KCNJ6: variants seen among roughly 807,000 people sequenced by gnomAD.
The protein encoded by KCNJ6 is G protein-activated inward rectifier potassium channel 2.
Under a neutral mutation model 34.2 loss-of-function variants are expected in KCNJ6, and 9 were observed. The observed-to-expected ratio is 0.26, with a 90% CI of 0.16 to 0.46. KCNJ6 has a LOEUF of 0.46. Ranked by LOEUF, KCNJ6 falls within the 20% of genes least tolerant of loss-of-function variation. KCNJ6 has a pLI of 1.00. For synonymous variants in KCNJ6, 196 were observed against 207.1 expected (o/e 0.95, Z 0.46); for missense variants, 236 against 531.3 (o/e 0.44, Z 5.46).
rs34782067 is a variant in KCNJ6, at chr21:37,610,620, A to AAAAAAAAAAAAAAAAAAG, written c.*14538_*14539insCTTTTTTTTTTTTTTTTT. The AAAAAAAAAAAAAAAAAAG allele has an allele frequency of 2.7e-5, 4 of 149,638 alleles. No homozygotes were observed. Among genetic ancestry groups the AAAAAAAAAAAAAAAAAAG allele is most frequent in the African/African-American group, 9.8e-5 (4 of 40,890 alleles). The allele number at this position is 149,638 out of a possible 1,614,324, so 9.3% of individuals were successfully genotyped here. Reference sequence around the variant, plus strand: ...TCTTAAAAAAAAAAAAAAAAAAAAAAGGAATACAAGTCCTACAATGTTTGC... The same window carrying AAAAAAAAAAAAAAAAAAG: ...TCTTAAAAAAAAAAAAAAAAAAAAAAAAAAAAAAAAAAAAAAAGGGAATACAAGTCCTACAATGTTTGC... On this transcript the variant is annotated 3_prime_UTR_variant, in exon 4 of 4. Coordinates refer to ENST00000609713, the MANE Select transcript of KCNJ6 (RefSeq NM_002240.5).
intron 2 of KCNJ6, among the ~76,000 whole-genome samples, chr21:37,822,576 T>C (rs2835991): frequency 0.54 from 82,711 of 152,094 alleles, 23,574 homozygotes; most frequent in South Asian, 0.74. Flanking sequence ...CTACTCAGCA[T>C]TGAGAGGCAT....
chr21:37,715,650 G>C (rs1163488498), intron 2 of KCNJ6, among the ~76,000 whole-genome samples: 2 of 152,206 alleles, frequency 1.3e-5, no homozygotes, highest in East Asian at 3.8e-4. Flanking sequence ...AGGCCTTTAA[G>C]GAGATAGTTA....
chr21:37,690,651 C>T (rs2054635369), intron 3 of KCNJ6, among the ~76,000 whole-genome samples: 1 of 152,224 alleles, frequency 6.6e-6, no homozygotes, highest in Admixed American at 6.5e-5. Context: ...TGGCCACAGC[C>T]AGGGCACAAA....
intron 2 of KCNJ6, among the ~76,000 whole-genome samples, chr21:37,819,920 G>T (rs1396537475): frequency 1.3e-5 from 2 of 151,352 alleles, no homozygotes; most frequent in African/African-American, 4.9e-5. Context: ...GAGTAGATGG[G>T]ATTACAGGCG....
chr21:37,905,041 G>T (rs2055834854), intron 1 of KCNJ6, among the ~76,000 whole-genome samples: 2 of 152,182 alleles, frequency 1.3e-5, no homozygotes, highest in African/African-American at 4.8e-5. Flanking sequence ...CGCCTGGACT[G>T]CAGCCACGTG....
chr21:37,743,669 C>T (rs757503149), intron 2 of KCNJ6, among the ~76,000 whole-genome samples: 8 of 151,994 alleles, frequency 5.3e-5, no homozygotes, highest in Non-Finnish European at 1.0e-4. Context: ...AGATGCTAGC[C>T]CCTCCATCTT....
At chr21:37,699,162 C>T (rs574730612) in intron 3 of KCNJ6, among the ~76,000 whole-genome samples, 4 of 152,272 alleles carry the variant, frequency 2.6e-5, no homozygotes, top group Non-Finnish European at 5.9e-5. Flanking sequence ...TGGCCTTTTA[C>T]AGGAAATTCT....
At chr21:37,858,317 C>T (rs964859893) in intron 1 of KCNJ6, among the ~76,000 whole-genome samples, 5 of 133,446 alleles carry the variant, frequency 3.7e-5, no homozygotes, top group African/African-American at 1.1e-4. Flanking sequence ...GGCGTGAACC[C>T]GGGAGGCGGA....
At chr21:37,803,026 T>C (rs1390849555) in intron 2 of KCNJ6, among the ~76,000 whole-genome samples, 2 of 152,230 alleles carry the variant, frequency 1.3e-5, no homozygotes, top group African/African-American at 4.8e-5. Context: ...CGACCTGGCA[T>C]GGATTTTGAA....
chr21:37,854,873 C>T (rs2055556838), intron 1 of KCNJ6, among the ~76,000 whole-genome samples: 1 of 152,156 alleles, frequency 6.6e-6, no homozygotes, highest in South Asian at 2.1e-4. Flanking sequence ...GGAGCAAAAA[C>T]TGATAGAACT....
intron 2 of KCNJ6, among the ~76,000 whole-genome samples, chr21:37,746,216 A>T (rs768285665): frequency 5.9e-5 from 9 of 152,338 alleles, no homozygotes; most frequent in Non-Finnish European, 1.2e-4. Context: ...AGTCCATAGC[A>T]GATGGGAATG....
In KCNJ6 at chr21:37,620,570, C is replaced by T. The variant is rs926160833; in HGVS notation, c.*4589G>A. 2 of 150,726 alleles carry T rather than the reference C, an allele frequency of 1.3e-5. No individual in the cohort carries two copies. Among genetic ancestry groups the T allele is most frequent in the African/African-American group, 2.4e-5 (1 of 40,936 alleles). The allele number at this position is 150,726 out of a possible 1,614,324, so 9.3% of individuals were successfully genotyped here. On this transcript the variant is annotated 3_prime_UTR_variant, in exon 4 of 4. Coordinates refer to ENST00000609713, the MANE Select transcript of KCNJ6 (RefSeq NM_002240.5). ...TTTTTTTTTTAGCAGATTTGGTTTG[C>T]TGAAATTTTTTGTAGTAAAAATAGC...
At chr21:37,668,163 T>C (rs1420986456) in intron 3 of KCNJ6, among the ~76,000 whole-genome samples, 1 of 152,084 alleles carries the variant, frequency 6.6e-6, no homozygotes, top group African/African-American at 2.4e-5. Flanking sequence ...GCTGAAAGCA[T>C]ACCCCCTCCA....
intron 3 of KCNJ6, among the ~76,000 whole-genome samples, chr21:37,704,337 T>C (rs1172344573): frequency 2.0e-5 from 3 of 149,770 alleles, no homozygotes; most frequent in Non-Finnish European, 1.5e-5. Context: ...TTACTGAGTA[T>C]GTTAAGCAAA....
chr21:37,764,837 G>A (rs1304350278), intron 2 of KCNJ6, among the ~76,000 whole-genome samples: 1 of 152,216 alleles, frequency 6.6e-6, no homozygotes, highest in Non-Finnish European at 1.5e-5. Flanking sequence ...AATTGAGGGT[G>A]GTTGATGGGG....
intron 3 of KCNJ6, among the ~76,000 whole-genome samples, chr21:37,642,283 G>A (rs377164307): frequency 6.6e-6 from 1 of 152,104 alleles, no homozygotes; most frequent in African/African-American, 2.4e-5. Context: ...CTGTGAAAAC[G>A]TAACATCTGA....
chr21:37,780,439 G>C (rs2055163706), intron 2 of KCNJ6, among the ~76,000 whole-genome samples: 1 of 152,180 alleles, frequency 6.6e-6, no homozygotes, highest in African/African-American at 2.4e-5. Context: ...GTACAACATA[G>C]AGTGAACCCT....
intron 1 of KCNJ6, among the ~76,000 whole-genome samples, chr21:37,859,344 T>G (rs2055580842): frequency 6.6e-6 from 1 of 150,962 alleles, no homozygotes; most frequent in Non-Finnish European, 1.5e-5. Flanking sequence ...AAAGCACACA[T>G]ATGTGTGAGC....
At chr21:37,766,283 C>CA (rs1295312421) in intron 2 of KCNJ6, among the ~76,000 whole-genome samples, 1 of 152,098 alleles carries the variant, frequency 6.6e-6, no homozygotes, top group African/African-American at 2.4e-5. Context: ...GAAAGGCTGC[C>CA]ACTCCCTAAA....
Sources: gnomAD v4.1 joint callset for allele counts (sites outside exome capture counted in the v4.1 genomes callset) on GRCh38, gnomAD v4.1.1 for gene constraint, MANE v1.5 for transcripts, NCBI Gene and HGNC (gene_info 2026-07-23, HGNC 2026-07-21) for gene names.